PRKCH: variants seen among roughly 807,000 people sequenced by gnomAD.
PRKCH encodes the protein protein kinase C eta type.
A neutral mutation model predicts 82.5 loss-of-function variants in PRKCH; 28 were observed. The observed-to-expected ratio is 0.34, with a 90% CI of 0.25 to 0.47. PRKCH has a LOEUF of 0.47. Ranked by LOEUF, PRKCH falls within the 20% of genes least tolerant of loss-of-function variation. The pLI is 1.00. For synonymous variants in PRKCH, 322 were observed against 327.4 expected, an observed-to-expected ratio of 0.98 and a Z score of 0.18; for missense variants, 705 against 881.8, an observed-to-expected ratio of 0.80 and a Z score of 2.54.
intron 1 of PRKCH, among the ~76,000 whole-genome samples, chr14:61,271,231 C>T (rs1057013992): frequency 3.3e-5 from 5 of 152,168 alleles, no homozygotes; most frequent in African/African-American, 1.2e-4. Flanking sequence ...GGGATAACCA[C>T]TCTCCTAAAT....
chr14:61,386,823 A>G (rs2046595184), intron 1 of PRKCH, among the ~76,000 whole-genome samples: 1 of 152,216 alleles, frequency 6.6e-6, no homozygotes, highest in South Asian at 2.1e-4. Context: ...ATTGTTGTCG[A>G]ATATTTGACC....
At chr14:61,538,193 C>A (rs993384455) in intron 12 of PRKCH, among the ~76,000 whole-genome samples, 5 of 152,160 alleles carry the variant, frequency 3.3e-5, no homozygotes, top group African/African-American at 1.2e-4. Context: ...AGGGGAAATC[C>A]AAAGAAAGTT....
intron 9 of PRKCH, among the ~76,000 whole-genome samples, chr14:61,483,511 GC>G (rs1886074290): frequency 6.6e-6 from 1 of 152,110 alleles, no homozygotes; most frequent in South Asian, 2.1e-4. Flanking sequence ...TTCTTGCTTC[GC>G]TTTTAGCAGA....
chr14:61,457,029 A>C (rs1884797949), intron 7 of PRKCH, 147 bp from the exon 8 acceptor site: 1 of 811,740 alleles, frequency 1.2e-6, no homozygotes. Flanking sequence ...TTCGAGTGGC[A>C]GAACCGATCA....
chr14:61,412,646 GGACC>G (rs927198656), intron 2 of PRKCH, among the ~76,000 whole-genome samples: 1 of 152,154 alleles, frequency 6.6e-6, no homozygotes, highest in Non-Finnish European at 1.5e-5. Flanking sequence ...GTTGCTGGCT[GGACC>G]CATGGCATAT....
At chr14:61,506,631 G>T (rs1225386398) in intron 10 of PRKCH, among the ~76,000 whole-genome samples, 1 of 152,132 alleles carries the variant, frequency 6.6e-6, no homozygotes, top group Non-Finnish European at 1.5e-5. Context: ...CTGCCCTGGG[G>T]CTCTTTATTC....
intron 1 of PRKCH, among the ~76,000 whole-genome samples, chr14:61,188,622 GTGTGT>G: frequency 1.4e-5 from 1 of 72,138 alleles, no homozygotes; most frequent in African/African-American, 7.4e-5. Context: ...GTGTGTGTGT[GTGTGT>G]GTGTGTGTGT....
At chr14:61,272,179 G>A (rs1487016045) in intron 1 of PRKCH, among the ~76,000 whole-genome samples, 1 of 151,756 alleles carries the variant, frequency 6.6e-6, no homozygotes, top group Non-Finnish European at 1.5e-5. Context: ...AGTGAGCTGA[G>A]ATTGCGCCAC....
chr14:61,457,900 A>AC (rs1425084102), intron 9 of PRKCH, among the ~76,000 whole-genome samples: 21 of 152,320 alleles, frequency 1.4e-4, no homozygotes, highest in African/African-American at 4.8e-4. Context: ...GGGAAGGAGC[A>AC]CCGTGAGGGT....
intron 2 of PRKCH, among the ~76,000 whole-genome samples, chr14:61,404,539 A>G (rs1881837628): frequency 8.0e-6 from 1 of 125,026 alleles, no homozygotes; most frequent in Non-Finnish European, 1.6e-5. Context: ...GCATGTGTGT[A>G]TGCATGTACT....
chr14:61,268,444 T>C (rs1017825298), intron 1 of PRKCH, among the ~76,000 whole-genome samples: 2 of 152,054 alleles, frequency 1.3e-5, no homozygotes, highest in Non-Finnish European at 2.9e-5. Context: ...GGCAGGTGGA[T>C]CACCTGAGAT....
At chr14:61,282,214 T>C (rs1309563015) in intron 1 of PRKCH, among the ~76,000 whole-genome samples, 1 of 151,350 alleles carries the variant, frequency 6.6e-6, no homozygotes, top group Non-Finnish European at 1.5e-5. Context: ...CAAGGATTTA[T>C]AGGATTTATT....
chr14:61,528,542 G>A (rs563957283), intron 10 of PRKCH, among the ~76,000 whole-genome samples: 23 of 152,220 alleles, frequency 1.5e-4, no homozygotes, highest in Non-Finnish European at 1.6e-4. Context: ...ATGGTGAACC[G>A]CATAAACACA....
intron 9 of PRKCH, among the ~76,000 whole-genome samples, chr14:61,476,949 G>T (rs568722842): frequency 1.3e-5 from 2 of 152,200 alleles, no homozygotes; most frequent in Non-Finnish European, 2.9e-5. Context: ...TTAAATTCAA[G>T]TTATTTCCAG....
upstream of PRKCH, among the ~76,000 whole-genome samples, chr14:61,317,791 C>T (rs1005675224): frequency 3.8e-4 from 58 of 152,208 alleles, no homozygotes; most frequent in African/African-American, 1.3e-3. Context: ...CTGGAGGGCT[C>T]TGTCCTGGGT....
intron 1 of PRKCH, among the ~76,000 whole-genome samples, chr14:61,250,098 A>G (rs1397454944): frequency 2.0e-5 from 3 of 150,510 alleles, no homozygotes; most frequent in Non-Finnish European, 4.4e-5. Flanking sequence ...CATCTCTACT[A>G]AAAATAGAAA....
At chr14:61,421,676 C>G (rs759831046) in intron 2 of PRKCH, among the ~76,000 whole-genome samples, 1 of 152,164 alleles carries the variant, frequency 6.6e-6, no homozygotes, top group African/African-American at 2.4e-5. Context: ...CTACTTCTTA[C>G]TAATTTATGG....
In PRKCH at chr14:61,210,144, ATATATATATATATATAT is replaced by A. The variant is rs1566781695; in HGVS notation, c.-19+22477_-19+22493del. 2.1e-3 allele frequency among the ~76,000 whole-genome samples: 111 copies of A among 53,908 alleles called. 2 individuals carry two copies. Among genetic ancestry groups the A allele is most frequent in the African/African-American group, 4.6e-3 (69 of 15,110 alleles). The allele number at this position is 53,908 out of a possible 152,430, so 35.4% of individuals were successfully genotyped here. A position where few individuals can be genotyped will look rare whatever the true frequency, so the allele number is the denominator to read the frequency against. ...TATATATATATATATATATATATAT[ATATATATATATATATAT>A]AAATTAGCTTGGCATAGTGGCAGGC... On this transcript the variant is annotated intron_variant, in intron 1 of 3. Coordinates refer to the PRKCH transcript ENST00000555185.
intron 1 of PRKCH, among the ~76,000 whole-genome samples, chr14:61,239,517 G>T (rs2044817806): frequency 6.6e-6 from 1 of 152,268 alleles, no homozygotes; most frequent in South Asian, 2.1e-4. Context: ...CCCTCTTCAG[G>T]GGGTACGTGT....
Sources: gnomAD v4.1 joint callset for allele counts (sites outside exome capture counted in the v4.1 genomes callset) on GRCh38, gnomAD v4.1.1 for gene constraint, MANE v1.5 for transcripts, NCBI Gene and HGNC (gene_info 2026-07-23, HGNC 2026-07-21) for gene names.